Variants in HS6ST3 observed in about 807,000 individuals in gnomAD.
HS6ST3 encodes heparan-sulfate 6-O-sulfotransferase 3.
In HS6ST3, 12 loss-of-function variants were observed where a neutral mutation model predicts 36.7. That is an observed-to-expected ratio of 0.33 (90% confidence interval 0.21 to 0.53). The LOEUF (loss-of-function observed/expected upper bound fraction) is 0.53. Among genes scored for constraint, HS6ST3 ranks in the 20% least tolerant of loss-of-function variants. The pLI, the probability that HS6ST3 is intolerant of heterozygous loss-of-function variation, is 0.95. For synonymous variants in HS6ST3, 240 were observed against 257.5 expected (o/e 0.93, Z 0.65); for missense variants, 584 against 640.9 (o/e 0.91, Z 0.96).
chr13:96,282,942 G>T (rs2054782831), intron 1 of HS6ST3, among the ~76,000 whole-genome samples: 1 of 152,132 alleles, frequency 6.6e-6, no homozygotes, highest in African/African-American at 2.4e-5. Context: ...TACAAGCCTG[G>T]TTACCTAAGA....
intron 1 of HS6ST3, among the ~76,000 whole-genome samples, chr13:96,155,092 A>G (rs2054104127): frequency 6.6e-6 from 1 of 152,186 alleles, no homozygotes. Flanking sequence ...CAGTCAATAC[A>G]CGTGTATTAC....
intron 1 of HS6ST3, among the ~76,000 whole-genome samples, chr13:96,368,355 G>A (rs1419715839): frequency 6.6e-6 from 1 of 152,024 alleles, no homozygotes; most frequent in African/African-American, 2.4e-5. Flanking sequence ...ATAGCATGTT[G>A]TATATAAATG....
chr13:96,290,953 C>T (rs1356184860), intron 1 of HS6ST3, among the ~76,000 whole-genome samples: 1 of 152,144 alleles, frequency 6.6e-6, no homozygotes, highest in Non-Finnish European at 1.5e-5. Flanking sequence ...TGGTAATGCC[C>T]TTCTCTGGGC....
At chr13:96,505,283 A>G (rs770995349) in intron 1 of HS6ST3, among the ~76,000 whole-genome samples, 2 of 152,190 alleles carry the variant, frequency 1.3e-5, no homozygotes, top group Non-Finnish European at 2.9e-5. Context: ...CTAAATTTCA[A>G]AAGCACTAAT....
At chr13:96,359,977 G>A (rs2055229405) in intron 1 of HS6ST3, among the ~76,000 whole-genome samples, 1 of 152,108 alleles carries the variant, frequency 6.6e-6, no homozygotes, top group South Asian at 2.1e-4. Flanking sequence ...CACTGAGCAG[G>A]GGTGAAGGTC....
intron 1 of HS6ST3, among the ~76,000 whole-genome samples, chr13:96,776,489 A>G (rs1437481417): frequency 1.3e-5 from 2 of 152,162 alleles, no homozygotes; most frequent in Non-Finnish European, 2.9e-5. Context: ...AATAGACACA[A>G]TAAAAAATGA....
chr13:96,786,479 G>A (rs1415749716), intron 1 of HS6ST3, among the ~76,000 whole-genome samples: 1 of 152,092 alleles, frequency 6.6e-6, no homozygotes, highest in Non-Finnish European at 1.5e-5. Context: ...CTGGCACGTG[G>A]TAGGTGTACC....
At chr13:96,762,936 T>C (rs1327786292) in intron 1 of HS6ST3, among the ~76,000 whole-genome samples, 1 of 152,180 alleles carries the variant, frequency 6.6e-6, no homozygotes, top group East Asian at 1.9e-4. Flanking sequence ...CCATTTTTAT[T>C]CCTTAAATTT....
At chr13:96,144,761 G>C (rs2054048643) in intron 1 of HS6ST3, among the ~76,000 whole-genome samples, 1 of 149,128 alleles carries the variant, frequency 6.7e-6, no homozygotes, top group South Asian at 2.2e-4. Flanking sequence ...TTTAGCATTA[G>C]GTATATCACC....
At chr13:96,476,608 G>A (rs913741684) in intron 1 of HS6ST3, among the ~76,000 whole-genome samples, 1 of 152,156 alleles carries the variant, frequency 6.6e-6, no homozygotes, top group Non-Finnish European at 1.5e-5. Flanking sequence ...TGATTGGCCA[G>A]CCTCGGCCTC....
chr13:96,234,404 C>A (rs545891932), intron 1 of HS6ST3, among the ~76,000 whole-genome samples: 32 of 151,934 alleles, frequency 2.1e-4, no homozygotes, highest in Admixed American at 1.8e-3. Context: ...TCAAAAAAAA[C>A]CAAAAAACAA....
Position 96,800,351 on chromosome 13 carries a change from G to T in HS6ST3, c.708-32139G>T, listed in dbSNP as rs1412694866. 1.9e-4 allele frequency among the ~76,000 whole-genome samples: 28 copies of T among 151,168 alleles called. 1 individual carries two copies. Among genetic ancestry groups the T allele is most frequent in the Admixed American group, 1.8e-3 (28 of 15,146 alleles). ...ACCAAGTATTTGTACAACGATTAGA[G>T]AATTGATTTTCCTGTTAAATTCATG... On this transcript the variant is annotated intron_variant, in intron 1 of 1. Transcript: ENST00000376705.
intron 1 of HS6ST3, among the ~76,000 whole-genome samples, chr13:96,697,294 A>G (rs963933554): frequency 6.6e-6 from 1 of 152,018 alleles, no homozygotes; most frequent in African/African-American, 2.4e-5. Flanking sequence ...AGAGGAAAAT[A>G]TATTCCAAAA....
chr13:96,290,389 T>C (rs1566313194), intron 1 of HS6ST3, among the ~76,000 whole-genome samples: 1 of 152,046 alleles, frequency 6.6e-6, no homozygotes. Context: ...TCGGTACAAT[T>C]GCAGAGATAA....
chr13:96,352,460 A>G (rs1306330211), intron 1 of HS6ST3, among the ~76,000 whole-genome samples: 3 of 152,238 alleles, frequency 2.0e-5, no homozygotes, highest in Non-Finnish European at 4.4e-5. Context: ...GTGTCTTTAC[A>G]GCATGGCAGC....
chr13:96,537,146 AG>A (rs748808094), intron 1 of HS6ST3, among the ~76,000 whole-genome samples: 16 of 152,176 alleles, frequency 1.1e-4, no homozygotes, highest in Non-Finnish European at 1.9e-4. Flanking sequence ...GTGGCTGGGG[AG>A]GCCTCATAAT....
chr13:96,591,071 A>T (rs557261434), intron 1 of HS6ST3, among the ~76,000 whole-genome samples: 1 of 149,950 alleles, frequency 6.7e-6, no homozygotes. Flanking sequence ...TTTTTTTGCC[A>T]GTACCATGCC....
At chr13:96,602,085 T>C (rs1271427306) in intron 1 of HS6ST3, among the ~76,000 whole-genome samples, 1 of 152,182 alleles carries the variant, frequency 6.6e-6, no homozygotes, top group Non-Finnish European at 1.5e-5. Flanking sequence ...TCCACCCCAG[T>C]AGGAGGTGCC....
chr13:96,515,598 G>C (rs1019728831), intron 1 of HS6ST3, among the ~76,000 whole-genome samples: 1 of 152,066 alleles, frequency 6.6e-6, no homozygotes, highest in African/African-American at 2.4e-5. Flanking sequence ...CCCAAATCTC[G>C]TGTTGAATTG....
Sources: allele counts gnomAD v4.1 joint callset (sites outside exome capture counted in the v4.1 genomes callset), GRCh38; gene constraint gnomAD v4.1.1; transcripts MANE v1.5; gene names NCBI Gene and HGNC (gene_info 2026-07-23, HGNC 2026-07-21).